PLS1: variants seen among roughly 807,000 people sequenced by gnomAD.
PLS1 encodes the protein plastin 1.
In PLS1, 32 loss-of-function variants were observed where a neutral mutation model predicts 73.7. That is an observed-to-expected ratio of 0.43 (90% CI 0.33 to 0.58). The LOEUF is 0.58. PLS1 is among the 20% of genes least tolerant of loss of function. PLS1 has a pLI of 0.04. For synonymous variants in PLS1, 217 were observed against 261.3 expected, an observed-to-expected ratio of 0.83 and a Z score of 1.63; for missense variants, 633 against 740.5, an observed-to-expected ratio of 0.85 and a Z score of 1.68.
intron 1 of PLS1, among the ~76,000 whole-genome samples, chr3:142,631,843 G>A (rs747890236): frequency 2.6e-5 from 4 of 151,892 alleles, no homozygotes; most frequent in Non-Finnish European, 5.9e-5. Context: ...AAAAACACAA[G>A]CAACAAAAGC....
At chr3:142,652,888 C>T (rs965668165) in intron 1 of PLS1, among the ~76,000 whole-genome samples, 41 of 152,160 alleles carry the variant, frequency 2.7e-4, no homozygotes, top group African/African-American at 9.7e-4. Flanking sequence ...AACATTTGAA[C>T]CTCTGTGTTT....
chr3:142,699,145 A>G (rs1238841942), intron 12 of PLS1, among the ~76,000 whole-genome samples: 1 of 151,998 alleles, frequency 6.6e-6, no homozygotes, highest in African/African-American at 2.4e-5. Context: ...ACAAATACCT[A>G]ATGCATGCAG....
chr3:142,638,641 T>C (rs1340683708), intron 1 of PLS1, among the ~76,000 whole-genome samples: 3 of 152,246 alleles, frequency 2.0e-5, no homozygotes, highest in Non-Finnish European at 4.4e-5. Flanking sequence ...GTATTATATT[T>C]GATTTATAAC....
chr3:142,710,431 T>A (rs1933064969), intron 14 of PLS1, among the ~76,000 whole-genome samples: 1 of 152,216 alleles, frequency 6.6e-6, no homozygotes, highest in Non-Finnish European at 1.5e-5. Flanking sequence ...AGGAATATTT[T>A]TAGACCTTTT....
At chr3:142,604,327 C>G (rs1436928662) in intron 1 of PLS1, among the ~76,000 whole-genome samples, 2 of 152,192 alleles carry the variant, frequency 1.3e-5, no homozygotes, top group Non-Finnish European at 1.5e-5. Context: ...AAACCAAAAC[C>G]TCTCAAAGAC....
At chr3:142,617,752 T>A (rs1266117089) in intron 1 of PLS1, among the ~76,000 whole-genome samples, 1 of 151,602 alleles carries the variant, frequency 6.6e-6, no homozygotes, top group Non-Finnish European at 1.5e-5. Context: ...CTGAGGCAGG[T>A]GGATCACTTG....
In PLS1 at chr3:142,689,618, G is replaced by A. The variant is rs757823666; in HGVS notation, c.982G>A (p.Glu328Lys). 40 of 1,531,086 alleles carry A rather than the reference G, an allele frequency of 2.6e-5. No homozygotes were observed. The highest frequency in any genetic ancestry group is 3.2e-5 in the Non-Finnish European group (36 of 1,142,052). The allele number at this position is 1,531,086 out of a possible 1,614,324, so 94.8% of individuals were successfully genotyped here. ...AIAIDLSGIN[E>K]TNDLKRAGLM... is the part of the protein sequence containing the mutation. ...TAACCATTTTTGTTTTATTGTTTAG[G>A]AGACAAATGACCTGAAGCGTGCTGG... Residue 328 changes from glutamate to lysine, a missense_variant and splice_region_variant, in exon 10 of 16, where the codon GAG (glutamate) becomes AAG (lysine). Coordinates refer to ENST00000457734, the MANE Select transcript of PLS1 (RefSeq NM_001145319.2).
rs1304164098 is a variant in PLS1, at chr3:142,711,423, T to C, written c.1630-78T>C. ...AGAATTTGTAGATTGCCTTCAGTTA[T>C]ATGATCAGAAGAGTCTGAAAATAAT... On this transcript the variant is annotated intron_variant, in intron 14 of 15. Transcript: ENST00000457734. The C allele has an allele frequency of 3.7e-6, 4 of 1,070,844 alleles. No homozygotes were observed. In the East Asian group the frequency reaches 9.6e-5, roughly 26 times the overall value. 66.3% of individuals were successfully genotyped at this position (1,070,844 alleles called of 1,614,324 possible).
At chr3:142,678,229 T>C (rs2037764448) in intron 6 of PLS1, 116 bp downstream of exon 6, 1 of 405,164 alleles carries the variant, frequency 2.5e-6, no homozygotes. Context: ...GCTATTCTCC[T>C]ATAAAAACTT....
At chr3:142,688,859 C>A (rs1218728328) in intron 9 of PLS1, among the ~76,000 whole-genome samples, 1 of 152,060 alleles carries the variant, frequency 6.6e-6, no homozygotes, top group Non-Finnish European at 1.5e-5. Flanking sequence ...GTGAAAGGTG[C>A]TTTTCCCTAT....
intron 10 of PLS1, 66 bp from the exon 11 acceptor site, chr3:142,694,403 G>A: frequency 2.1e-6 from 2 of 961,786 alleles, no homozygotes; most frequent in South Asian, 1.4e-5. Context: ...CTGCTAGAAT[G>A]GTTTAACATA....
intron 1 of PLS1, among the ~76,000 whole-genome samples, chr3:142,655,594 C>T (rs1401586296): frequency 1.3e-5 from 2 of 151,642 alleles, no homozygotes; most frequent in Non-Finnish European, 2.9e-5. Flanking sequence ...TGGTGGCGGG[C>T]GCCTGCAATC....
intron 14 of PLS1, 118 bp downstream of exon 14, chr3:142,704,704 A>C (rs555796871): frequency 6.4e-6 from 3 of 472,176 alleles, no homozygotes; most frequent in Non-Finnish European, 1.0e-5. Context: ...GCTGGTGTGC[A>C]GTGGCGCGAT....
intron 2 of PLS1, among the ~76,000 whole-genome samples, chr3:142,666,577 T>C (rs1029656251): frequency 1.1e-4 from 16 of 152,242 alleles, no homozygotes; most frequent in African/African-American, 3.9e-4. Context: ...GCTTCCACCT[T>C]TTGGCTATTG....
intron 1 of PLS1, among the ~76,000 whole-genome samples, chr3:142,645,890 C>A (rs2108624563): frequency 6.6e-6 from 1 of 152,276 alleles, no homozygotes; most frequent in African/African-American, 2.4e-5. Context: ...GCCCACACTT[C>A]ACCCTGGCAG....
Position 142,664,036 on chromosome 3 carries a change from G to C in PLS1, c.-36-166G>C, listed in dbSNP as rs145708095. 2.7e-3 allele frequency: 924 copies of C among 345,386 alleles called. 4 individuals carry two copies. The highest frequency in any genetic ancestry group is 0.018 in the African/African-American group (870 of 47,210). 21.4% of individuals were successfully genotyped at this position (345,386 alleles called of 1,614,324 possible). ...CTGAGTCTCAGTTATAGTTTGGCTG[G>C]CCTATGCTGAGAGATTGTTACCAGG... On this transcript the variant is annotated intron_variant, in intron 1 of 15. Coordinates refer to ENST00000457734, the MANE Select transcript of PLS1 (RefSeq NM_001145319.2).
intron 1 of PLS1, among the ~76,000 whole-genome samples, chr3:142,638,567 C>T (rs1027311453): frequency 6.6e-6 from 1 of 152,140 alleles, no homozygotes; most frequent in Non-Finnish European, 1.5e-5. Flanking sequence ...TCTAGCCATA[C>T]CATCTGTTTC....
intron 1 of PLS1, among the ~76,000 whole-genome samples, chr3:142,643,509 G>T (rs756144393): frequency 6.6e-6 from 1 of 152,156 alleles, no homozygotes; most frequent in Non-Finnish European, 1.5e-5. Context: ...GAGAAAGGTC[G>T]AGCAGAAATG....
At chr3:142,627,936 T>G (rs2036466166) in intron 1 of PLS1, 1 of 152,094 alleles carries the variant, frequency 6.6e-6, no homozygotes, top group Non-Finnish European at 1.5e-5. Context: ...GGGCCAATCA[T>G]ATTTTAATTT....
Sources: allele counts gnomAD v4.1 joint callset (sites outside exome capture counted in the v4.1 genomes callset), GRCh38; gene constraint gnomAD v4.1.1; transcripts MANE v1.5; gene names NCBI Gene and HGNC (gene_info 2026-07-23, HGNC 2026-07-21).